ZZZ3: variants seen among roughly 807,000 people sequenced by gnomAD.
ZZZ3 encodes the protein zinc finger ZZ-type containing 3.
A neutral mutation model predicts 95.2 loss-of-function variants in ZZZ3; 22 were observed. That is an observed-to-expected ratio of 0.23 (90% confidence interval 0.17 to 0.33). ZZZ3 has a LOEUF of 0.33. ZZZ3 is among the 10% of genes least tolerant of loss of function. ZZZ3 has a pLI of 1.00. For missense variants in ZZZ3, 885 were observed against 1,066.5 expected, an observed-to-expected ratio of 0.83 and a Z score of 2.37; for synonymous variants, 335 against 358.9, an observed-to-expected ratio of 0.93 and a Z score of 0.75.
Position 77,576,075 on chromosome 1 carries a change from T to G in ZZZ3, c.2324A>C (p.Asp775Ala), listed in dbSNP as rs528143476. 3 of 1,606,184 alleles carry G rather than the reference T, an allele frequency of 1.9e-6. No individual in the cohort carries two copies. The highest frequency in any genetic ancestry group is 4.5e-5 in the East Asian group (2 of 44,782). Residue 775 changes from aspartate (D) to alanine (A), a missense_variant, in exon 12 of 15, where the codon GAT becomes GCT. Coordinates refer to ENST00000370801, the MANE Select transcript of ZZZ3 (RefSeq NM_015534.6). ...TTGATGTGTATAACTTACTGATGCA[T>G]CTTCAACAGCAGTGTTCATGTGGCT... ...FHSHMNTAVEDASDDESIPIM... is the reference protein window; with the variant it reads ...FHSHMNTAVEAASDDESIPIM...
At chr1:77,626,289 T>C (rs900183813) in intron 5 of ZZZ3, among the ~76,000 whole-genome samples, 4 of 152,242 alleles carry the variant, frequency 2.6e-5, no homozygotes, top group Non-Finnish European at 5.9e-5. Flanking sequence ...TGTTTCAGGA[T>C]GATTCAAGCA....
chr1:77,602,305 T>G (rs1274913991), intron 5 of ZZZ3, among the ~76,000 whole-genome samples: 1 of 152,208 alleles, frequency 6.6e-6, no homozygotes, highest in African/African-American at 2.4e-5. Flanking sequence ...GGTGCAGCTG[T>G]AACAAAATAA....
intron 1 of ZZZ3, among the ~76,000 whole-genome samples, chr1:77,658,129 A>G (rs1401327696): frequency 1.4e-5 from 2 of 141,834 alleles, no homozygotes; most frequent in African/African-American, 5.2e-5. Flanking sequence ...CGGCGAGCTG[A>G]GATTACGCCA....
intron 1 of ZZZ3, among the ~76,000 whole-genome samples, chr1:77,673,708 T>C (rs530140085): frequency 6.6e-6 from 1 of 151,706 alleles, no homozygotes; most frequent in Admixed American, 6.6e-5. Context: ...TTTGATTTTA[T>C]AATCTACACA....
At chr1:77,661,043 ATTGC>A (rs1399523857) in intron 1 of ZZZ3, among the ~76,000 whole-genome samples, 2 of 150,248 alleles carry the variant, frequency 1.3e-5, no homozygotes, top group African/African-American at 4.9e-5. Context: ...TTGAGCTTTA[ATTGC>A]TTTAACGCAA....
intron 12 of ZZZ3, among the ~76,000 whole-genome samples, chr1:77,572,361 C>T (rs892433690): frequency 2.0e-5 from 3 of 152,056 alleles, no homozygotes; most frequent in East Asian, 1.9e-4. Context: ...TTTTTTGAGA[C>T]GGAGTCTCAC....
Position 77,632,986 on chromosome 1 carries a change from A to G in ZZZ3, c.369T>C (p.Leu123=). The change falls in exon 5 of 15, where the codon CTT becomes CTC. Residue 123 remains leucine (L), a synonymous_variant. Transcript: ENST00000370801. ...CTGAACTGTTTGGTGCTTCAGATCT[A>G]AGACAACGCTTAATTCTTTTTAAAA... is the stretch of plus-strand genomic sequence containing the variant. ...SPVLKRIKRC[L]RSEAPNSSEE... 1 of 1,614,088 alleles carries G rather than the reference A, an allele frequency of 6.2e-7. No homozygotes were observed. The highest frequency in any genetic ancestry group is 8.5e-7 in the Non-Finnish European group (1 of 1,180,016).
intron 6 of ZZZ3, among the ~76,000 whole-genome samples, chr1:77,584,110 A>C (rs1303782450): frequency 6.6e-6 from 1 of 152,212 alleles, no homozygotes; most frequent in African/African-American, 2.4e-5. Context: ...AAATGCACAA[A>C]GGTACTAGTG....
At chr1:77,623,380 T>C (rs773808756) in intron 5 of ZZZ3, among the ~76,000 whole-genome samples, 13 of 152,098 alleles carry the variant, frequency 8.5e-5, no homozygotes, top group Non-Finnish European at 1.9e-4. Context: ...ACACATAAGA[T>C]GAGACTCCAC....
intron 4 of ZZZ3, among the ~76,000 whole-genome samples, chr1:77,634,933 A>G (rs1311504418): frequency 6.6e-6 from 1 of 152,152 alleles, no homozygotes; most frequent in Non-Finnish European, 1.5e-5. Context: ...TAGTTAGAGA[A>G]AGAGGCCAGT....
chr1:77,659,137 G>T (rs538002683), intron 1 of ZZZ3, among the ~76,000 whole-genome samples: 1 of 151,986 alleles, frequency 6.6e-6, no homozygotes, highest in South Asian at 2.1e-4. Flanking sequence ...AGAACTGCTT[G>T]AACCTGGGAG....
At chr1:77,673,561 C>T (rs777659053) in intron 1 of ZZZ3, among the ~76,000 whole-genome samples, 2 of 152,120 alleles carry the variant, frequency 1.3e-5, no homozygotes, top group African/African-American at 4.8e-5. Flanking sequence ...CGCGCCACTG[C>T]ACTCCATCCT....
intron 5 of ZZZ3, among the ~76,000 whole-genome samples, chr1:77,619,046 A>AT (rs1557731801): frequency 6.6e-6 from 1 of 152,148 alleles, no homozygotes; most frequent in Admixed American, 6.5e-5. Flanking sequence ...TTTCACAATC[A>AT]TCTAGAAAAA....
At chr1:77,666,448 G>C in intron 1 of ZZZ3, among the ~76,000 whole-genome samples, 1 of 152,178 alleles carries the variant, frequency 6.6e-6, no homozygotes. Context: ...TGGGAAGATC[G>C]CTTAAACCCA....
chr1:77,682,072 T>C (rs939689048), intron 1 of ZZZ3, among the ~76,000 whole-genome samples: 5 of 152,150 alleles, frequency 3.3e-5, no homozygotes, highest in African/African-American at 1.2e-4. Flanking sequence ...AGGATTTTAT[T>C]CTGACCACAG....
At chr1:77,670,818 C>A (rs770433111) in intron 1 of ZZZ3, among the ~76,000 whole-genome samples, 1 of 151,174 alleles carries the variant, frequency 6.6e-6, no homozygotes. Flanking sequence ...GGCTGTCATG[C>A]GGGTATGCAT....
intron 1 of ZZZ3, among the ~76,000 whole-genome samples, chr1:77,680,735 G>A (rs1383960940): frequency 6.6e-6 from 1 of 152,102 alleles, no homozygotes; most frequent in Non-Finnish European, 1.5e-5. Context: ...TTTAATCACA[G>A]TGATAAACTT....
chr1:77,632,762 C>T lies in ZZZ3; in HGVS notation c.593G>A (p.Gly198Asp), dbSNP rs1358034147. ...LNSAVVEEIT[G>D]YLAVNGVDDS... ...ATCAACACCATTGACAGCCAAATAG[C>T]CTGTGATTTCTTCAACTACTGCAGA... is the stretch of plus-strand genomic sequence containing the variant. The change falls in exon 5 of 15, where the codon GGC becomes GAC. Residue 198 changes from glycine (G) to aspartate (D), a missense_variant. Transcript: ENST00000370801. 1.2e-6 allele frequency: 2 copies of T among 1,614,168 alleles called. No homozygotes were observed. The highest frequency in any genetic ancestry group is 3.3e-5 in the Admixed American group (2 of 60,016).
At chr1:77,663,396 C>G (rs1670986425) in intron 1 of ZZZ3, among the ~76,000 whole-genome samples, 1 of 152,148 alleles carries the variant, frequency 6.6e-6, no homozygotes, top group African/African-American at 2.4e-5. Flanking sequence ...CAACTCATTA[C>G]AGCCCTGCAT....
Sources: allele counts gnomAD v4.1 joint callset (sites outside exome capture counted in the v4.1 genomes callset), GRCh38; gene constraint gnomAD v4.1.1; transcripts MANE v1.5; gene names NCBI Gene and HGNC (gene_info 2026-07-23, HGNC 2026-07-21).